Variants in USP29 observed in about 807,000 individuals in gnomAD.
USP29 encodes the protein ubiquitin specific peptidase 29.
For synonymous variants in USP29, 386 were observed against 387.4 expected (o/e 1.00, Z 0.04); for missense variants, 1,102 against 1,069.0 (o/e 1.03, Z -0.43).
chr19:57,131,128 A>T lies in USP29; in HGVS notation c.2453A>T (p.Asp818Val). 1.9e-6 allele frequency: 3 copies of T among 1,614,204 alleles called. No individual in the cohort carries two copies. The African/African-American group carries it at 4.0e-5, about 22-fold the overall frequency. The stretch of plus-strand genomic sequence containing the variant: ...CTAACAAGAAACGTGAAGATGGGGG[A>T]TCCTCTCCAGGCCTACAGACTCATC... Reference protein sequence around the residue: ...KELTRNVKMGDPLQAYRLISV... With the variant: ...KELTRNVKMGVPLQAYRLISV... The change falls in exon 4 of 4, where the codon GAT becomes GTT. Residue 818 changes from aspartate (D) to valine (V), a missense_variant. Asp to Val is a radical substitution (Grantham distance 152, BLOSUM62 -3). Transcript: ENST00000254181.
rs2086842787 is a variant in USP29 at position 57,129,477 on chromosome 19, A to C, written c.802A>C (p.Arg268=). The change falls in exon 4 of 4, where the codon AGA becomes CGA. Residue 268 remains arginine, a synonymous_variant. Coordinates refer to ENST00000254181, the MANE Select transcript of USP29 (RefSeq NM_020903.3). ...LEPEHSQGDP[R]CNKAQVPLDS... ...ACCAGAGCACAGCCAGGGTGACCCA[A>C]GATGCAACAAAGCCCAGGTGCCTCT... is the stretch of plus-strand genomic sequence containing the variant. 1.2e-6 allele frequency: 2 copies of C among 1,614,246 alleles called. No individual in the cohort carries two copies. The highest frequency in any genetic ancestry group is 1.7e-5 in the Admixed American group (1 of 60,036).
Position 57,130,381 on chromosome 19 carries a change from T to G in USP29, c.1706T>G (p.Met569Arg), listed in dbSNP as rs1459523294. 6.2e-7 allele frequency: 1 copy of G among 1,614,232 alleles called. No homozygotes were observed. Among genetic ancestry groups the G allele is most frequent in the Admixed American group, 1.7e-5 (1 of 60,024 alleles). ...GAAGTCCTGGAAGTCTCTCAGGAGATGATTTCTGAGATCAACAGCCCATTG... is the reference window on the plus strand; with the variant it reads ...GAAGTCCTGGAAGTCTCTCAGGAGAGGATTTCTGAGATCAACAGCCCATTG... ...KCEVLEVSQE[M>R]ISEINSPLTP... The change falls in exon 4 of 4, where the codon ATG (methionine) becomes AGG (arginine). Residue 569 changes from methionine (M) to arginine (R), a missense_variant. Met to Arg is a moderately conservative substitution (Grantham distance 91, BLOSUM62 -1). Transcript: ENST00000254181.
chr19:57,126,501 G>A (rs567858673), intron 3 of USP29, among the ~76,000 whole-genome samples: 9 of 151,782 alleles, frequency 5.9e-5, no homozygotes, highest in African/African-American at 1.9e-4. Flanking sequence ...CCTTATTTCA[G>A]TAAGTTGATC....
rs2086785400 is a variant in USP29 at position 57,120,008 on chromosome 19, A to C, written c.-489A>C. 1 of 152,492 alleles carries C rather than the reference A, an allele frequency of 6.6e-6. No individual in the cohort carries two copies. Among genetic ancestry groups the C allele is most frequent in the Admixed American group, 6.5e-5 (1 of 15,286 alleles). The allele number at this position is 152,492 out of a possible 1,614,324, so 9.4% of individuals were successfully genotyped here. A position where few individuals can be genotyped will look rare whatever the true frequency, so the allele number is the denominator to read the frequency against. On this transcript the variant is annotated 5_prime_UTR_variant, in exon 1 of 4. Coordinates refer to ENST00000254181, the MANE Select transcript of USP29 (RefSeq NM_020903.3). ...GAACTCTTCTGTTCCCAGGAGAATC[A>C]GGGGAGTCGGCGCCGGAAGGGGCGG...
intron 3 of USP29, among the ~76,000 whole-genome samples, chr19:57,126,000 T>A (rs2086821964): frequency 6.6e-6 from 1 of 152,146 alleles, no homozygotes; most frequent in Non-Finnish European, 1.5e-5. Flanking sequence ...TGTAAAGGAT[T>A]GTATTTTTTC....
chr19:57,122,016 G>A (rs1165353453), intron 1 of USP29, among the ~76,000 whole-genome samples: 1 of 151,970 alleles, frequency 6.6e-6, no homozygotes, highest in Non-Finnish European at 1.5e-5. Context: ...AAAGCAGACA[G>A]ATGTGGCAAA....
chr19:57,127,925 G>T (rs2086832144), intron 3 of USP29, among the ~76,000 whole-genome samples: 1 of 152,206 alleles, frequency 6.6e-6, no homozygotes, highest in Non-Finnish European at 1.5e-5. Context: ...GCACACAAGG[G>T]AATCTCCTGA....
chr19:57,123,511 G>A (rs555355817), intron 2 of USP29, among the ~76,000 whole-genome samples: 86 of 152,312 alleles, frequency 5.6e-4, no homozygotes, highest in African/African-American at 1.9e-3. Context: ...TAAGACTCAG[G>A]AGGGTTGAGT....
At position 57,128,729 on chromosome 19, in the gene USP29, G is replaced by A. The variant is rs1002852961; in HGVS notation, c.54G>A (p.Gly18=). ...GFIQIWSQKT[G]MTKLKEALIE... Reference sequence around the variant, plus strand: ...TCCAAATTTGGAGCCAGAAGACTGGGATGACTAAGCTGAAAGAAGCTCTCA... The same window carrying A: ...TCCAAATTTGGAGCCAGAAGACTGGAATGACTAAGCTGAAAGAAGCTCTCA... The change falls in exon 4 of 4, where the codon GGG becomes GGA. Residue 18 remains glycine (G), a synonymous_variant. Coordinates refer to ENST00000254181, the MANE Select transcript of USP29 (RefSeq NM_020903.3). 34 of 1,610,234 alleles carry A rather than the reference G, an allele frequency of 2.1e-5. No homozygotes were observed. The highest frequency in any genetic ancestry group is 2.9e-5 in the Non-Finnish European group (34 of 1,179,068).
At chr19:57,126,010 C>A (rs1042458164) in intron 3 of USP29, among the ~76,000 whole-genome samples, 1 of 152,010 alleles carries the variant, frequency 6.6e-6, no homozygotes, top group Non-Finnish European at 1.5e-5. Context: ...TGTATTTTTT[C>A]TTCGCTTATG....
At chr19:57,120,892 C>A (rs560371151) in intron 1 of USP29, among the ~76,000 whole-genome samples, 1 of 149,886 alleles carries the variant, frequency 6.7e-6, no homozygotes. Context: ...ATCAGGAGTT[C>A]GAGACTGCCT....
Position 57,129,907 on chromosome 19 carries a change from A to G in USP29, c.1232A>G (p.His411Arg). 2.5e-6 allele frequency: 4 copies of G among 1,614,162 alleles called. No individual in the cohort carries two copies. Among genetic ancestry groups the G allele is most frequent in the Non-Finnish European group, 3.4e-6 (4 of 1,180,032 alleles). Reference protein sequence around the residue: ...CGDENSSPQMHVGSAATKVFV... With the variant: ...CGDENSSPQMRVGSAATKVFV... ...GATGAAAATTCATCTCCACAAATGC[A>G]TGTTGGTAGTGCTGCCACCAAAGTG... The change falls in exon 4 of 4, where the codon CAT (histidine) becomes CGT (arginine). Residue 411 changes from histidine to arginine, a missense_variant. Transcript: ENST00000254181.
chr19:57,119,584 G>A (rs564982191), upstream of USP29, among the ~76,000 whole-genome samples: 2 of 152,038 alleles, frequency 1.3e-5, no homozygotes, highest in South Asian at 2.1e-4. Flanking sequence ...CACCATGCCC[G>A]GCTGATTTTT....
Position 57,129,743 on chromosome 19 carries a change from A to T in USP29, c.1068A>T (p.Lys356Asn). 2 of 1,613,958 alleles carry T rather than the reference A, an allele frequency of 1.2e-6. No homozygotes were observed. The highest frequency in any genetic ancestry group is 1.7e-6 in the Non-Finnish European group (2 of 1,179,984). The change falls in exon 4 of 4, where the codon AAA (lysine) becomes AAT (asparagine). Residue 356 changes from lysine to asparagine, a missense_variant. Physicochemically the swap from Lys to Asn is moderately conservative, Grantham distance 94 (BLOSUM62 0). Transcript: ENST00000254181. Reference sequence around the variant, plus strand: ...GAGAATTACTTGGGAATGTTAAAAAAGTCATTTCAGCAGTTGCAGAAATAT... The same window carrying T: ...GAGAATTACTTGGGAATGTTAAAAATGTCATTTCAGCAGTTGCAGAAATAT... ...IKRELLGNVK[K>N]VISAVAEIFS...
At chr19:57,119,509 G>A (rs557994610), upstream of USP29, among the ~76,000 whole-genome samples, 33 of 152,190 alleles carry the variant, frequency 2.2e-4, no homozygotes, top group East Asian at 7.8e-4. Context: ...TGCAACCTCC[G>A]CCTCCCGGGT....
chr19:57,129,305 A>T lies in USP29; in HGVS notation c.630A>T (p.Pro210=). Residue 210 remains proline, a synonymous_variant, in exon 4 of 4, where the codon CCA becomes CCT. Coordinates refer to ENST00000254181, the MANE Select transcript of USP29 (RefSeq NM_020903.3). ...ATATACAAAGCAATAGGAAGAACCCATCAAGTTTAGAGGATTTAGAAAAAG... is the reference window on the plus strand; with the variant it reads ...ATATACAAAGCAATAGGAAGAACCCTTCAAGTTTAGAGGATTTAGAAAAAG... The part of the protein sequence containing the change: ...LKYIQSNRKN[P]SSLEDLEKDR... The T allele has an allele frequency of 1.2e-6, 2 of 1,614,202 alleles. No homozygotes were observed. The highest frequency in any genetic ancestry group is 1.7e-6 in the Non-Finnish European group (2 of 1,180,038).
At chr19:57,127,105 C>G (rs1326149107) in intron 3 of USP29, among the ~76,000 whole-genome samples, 2 of 152,220 alleles carry the variant, frequency 1.3e-5, no homozygotes, top group Non-Finnish European at 2.9e-5. Context: ...TGCAGAACAG[C>G]AAAGAGTGCT....
intron 3 of USP29, among the ~76,000 whole-genome samples, chr19:57,126,393 C>T (rs866482404): frequency 1.4e-4 from 21 of 152,216 alleles, no homozygotes; most frequent in African/African-American, 4.6e-4. Context: ...TTCAGGTATA[C>T]CAATCAATCG....
At chr19:57,125,213 T>G (rs2086817574) in intron 3 of USP29, among the ~76,000 whole-genome samples, 1 of 152,182 alleles carries the variant, frequency 6.6e-6, no homozygotes, top group Non-Finnish European at 1.5e-5. Flanking sequence ...GAGTTATAAT[T>G]GGATTGCACT....
Sources: gnomAD v4.1 joint callset for allele counts (sites outside exome capture counted in the v4.1 genomes callset) on GRCh38, gnomAD v4.1.1 for gene constraint, MANE v1.5 for transcripts, NCBI Gene and HGNC (gene_info 2026-07-23, HGNC 2026-07-21) for gene names.